Variants in PCDH15 observed in about 807,000 individuals in gnomAD.
PCDH15 encodes protocadherin-15.
A neutral mutation model predicts 178.5 loss-of-function variants in PCDH15; 129 were observed. The ratio of observed to expected loss-of-function variants is 0.72; its 90% CI spans 0.63 to 0.84. The LOEUF is 0.84. PCDH15 is among the 40% of genes least tolerant of loss of function. PCDH15 has a pLI of 0.00. For synonymous variants in PCDH15, 800 were observed against 732.0 expected, an observed-to-expected ratio of 1.09 and a Z score of -1.50; for missense variants, 2,230 against 2,099.9, an observed-to-expected ratio of 1.06 and a Z score of -1.21.
intron 26 of PCDH15, among the ~76,000 whole-genome samples, chr10:53,891,777 A>G (rs536367095): frequency 6.7e-6 from 1 of 148,404 alleles, no homozygotes; most frequent in East Asian, 2.0e-4. Context: ...ACATGGTGAA[A>G]CCCTGTCTTT....
At chr10:55,474,906 A>G (rs1043028184) in intron 2 of PCDH15, among the ~76,000 whole-genome samples, 1 of 152,160 alleles carries the variant, frequency 6.6e-6, no homozygotes, top group African/African-American at 2.4e-5. Flanking sequence ...TCTATCTTCA[A>G]AATACTCTCT....
At chr10:55,367,771 G>T (rs1463969271) in intron 2 of PCDH15, among the ~76,000 whole-genome samples, 1 of 152,136 alleles carries the variant, frequency 6.6e-6, no homozygotes, top group African/African-American at 2.4e-5. Context: ...TCCCTAGTTA[G>T]AGAAAAGTGG....
At chr10:55,422,686 C>G (rs113111356) in intron 2 of PCDH15, among the ~76,000 whole-genome samples, 4,669 of 151,732 alleles carry the variant, frequency 0.031, 224 homozygotes, top group African/African-American at 0.11. Flanking sequence ...TTGTTAGGAA[C>G]AAGAAGGCAG....
chr10:53,860,956 T>C (rs569655209), intron 27 of PCDH15, among the ~76,000 whole-genome samples: 2 of 152,088 alleles, frequency 1.3e-5, no homozygotes, highest in African/African-American at 4.8e-5. Flanking sequence ...CCGGGAGTAG[T>C]TGTCCCACAC....
intron 2 of PCDH15, among the ~76,000 whole-genome samples, chr10:54,900,638 A>G (rs938991825): frequency 2.0e-5 from 3 of 152,336 alleles, no homozygotes; most frequent in African/African-American, 7.2e-5. Flanking sequence ...CACAAACATC[A>G]CCAAGATATA....
intron 2 of PCDH15, among the ~76,000 whole-genome samples, chr10:55,361,447 C>A (rs1845228130): frequency 6.6e-6 from 1 of 151,902 alleles, no homozygotes; most frequent in South Asian, 2.1e-4. Context: ...ACTGAATATT[C>A]TAAGTAAAAC....
At chr10:54,841,602 T>C (rs1953418919) in intron 3 of PCDH15, among the ~76,000 whole-genome samples, 1 of 151,712 alleles carries the variant, frequency 6.6e-6, no homozygotes, top group Non-Finnish European at 1.5e-5. Context: ...GAAAATTTTA[T>C]TGTTAAATAT....
chr10:54,617,898 G>C (rs893061039), intron 2 of PCDH15, among the ~76,000 whole-genome samples: 2 of 147,752 alleles, frequency 1.4e-5, no homozygotes, highest in East Asian at 4.0e-4. Context: ...AGTCCATCCT[G>C]GGAGACAGAG....
intron 2 of PCDH15, among the ~76,000 whole-genome samples, chr10:55,330,052 CT>C (rs1844157781): frequency 6.6e-6 from 1 of 151,694 alleles, no homozygotes; most frequent in Non-Finnish European, 1.5e-5. Context: ...CACATTATTT[CT>C]TTCACTGTAA....
chr10:54,225,728 T>C (rs905087520), intron 9 of PCDH15, among the ~76,000 whole-genome samples: 2 of 151,602 alleles, frequency 1.3e-5, no homozygotes, highest in African/African-American at 2.4e-5. Flanking sequence ...AATTTACATA[T>C]AGTGAAATGC....
intron 13 of PCDH15, among the ~76,000 whole-genome samples, chr10:54,174,730 G>C (rs1312666957): frequency 1.1e-5 from 1 of 92,044 alleles, no homozygotes; most frequent in African/African-American, 4.1e-5. Flanking sequence ...TTTTGAGACA[G>C]AGTCTCGTTC....
At chr10:54,473,645 T>C (rs149062023) in intron 3 of PCDH15, among the ~76,000 whole-genome samples, 7 of 152,188 alleles carry the variant, frequency 4.6e-5, no homozygotes, top group African/African-American at 1.4e-4. Context: ...CTTCAGTTTA[T>C]TATGAGTTCA....
chr10:54,472,439 CAT>C (rs1350470221), intron 3 of PCDH15, among the ~76,000 whole-genome samples: 15 of 152,062 alleles, frequency 9.9e-5, no homozygotes, highest in Non-Finnish European at 1.8e-4. Context: ...ACATATGTCA[CAT>C]GTTTCTTCAA....
In PCDH15 at chr10:55,304,339, G is replaced by A. The variant is rs74486189; in HGVS notation, c.-156+15260C>T. The stretch of plus-strand genomic sequence containing the variant: ...ATCACCTTCTCCAGAACACAATTTA[G>A]GATACGTGAGAAAAAAATAAAACCT... On this transcript the variant is annotated intron_variant, in intron 1 of 5. Coordinates refer to the PCDH15 transcript ENST00000458638. 9.0e-3 allele frequency among the ~76,000 whole-genome samples: 1,362 copies of A among 152,106 alleles called. 16 individuals are homozygous for A. Among genetic ancestry groups the A allele is most frequent in the African/African-American group, 0.031 (1,271 of 41,488 alleles).
chr10:54,477,552 T>G (rs1164094502), intron 3 of PCDH15, among the ~76,000 whole-genome samples: 1 of 152,206 alleles, frequency 6.6e-6, no homozygotes, highest in East Asian at 1.9e-4. Context: ...TACTACATTC[T>G]TATAAAGCAT....
intron 25 of PCDH15, 94 bp downstream of exon 25, chr10:53,938,721 A>G: frequency 1.5e-6 from 2 of 1,322,202 alleles, no homozygotes; most frequent in Non-Finnish European, 2.1e-6. Context: ...TATGTTGTCC[A>G]CTGAGAATGA....
chr10:53,932,932 T>C (rs1205938350), intron 25 of PCDH15, among the ~76,000 whole-genome samples: 1 of 152,044 alleles, frequency 6.6e-6, no homozygotes, highest in East Asian at 1.9e-4. Context: ...TCTCACAAGA[T>C]CTGGTTGTTG....
chr10:53,883,768 C>T (rs567276736), intron 26 of PCDH15, among the ~76,000 whole-genome samples: 2 of 152,228 alleles, frequency 1.3e-5, no homozygotes, highest in African/African-American at 2.4e-5. Context: ...CAGGCTGGAG[C>T]GCAATGGTGT....
chr10:53,913,260 C>T (rs969925273), intron 25 of PCDH15, among the ~76,000 whole-genome samples: 1 of 152,102 alleles, frequency 6.6e-6, no homozygotes. Context: ...GAAACTGGAT[C>T]CCTTCCTTAT....
Sources: allele counts gnomAD v4.1 joint callset (sites outside exome capture counted in the v4.1 genomes callset), GRCh38; gene constraint gnomAD v4.1.1; transcripts MANE v1.5; gene names NCBI Gene and HGNC (gene_info 2026-07-23, HGNC 2026-07-21).